HMCN1: variants seen among roughly 807,000 people sequenced by gnomAD.
HMCN1 encodes the protein hemicentin-1.
Under a neutral mutation model 625.9 loss-of-function variants are expected in HMCN1, and 321 were observed. The observed-to-expected ratio is 0.51, with a 90% CI of 0.47 to 0.56. The LOEUF is 0.56. HMCN1 is among the 20% of genes least tolerant of loss of function. The pLI is 0.00. For missense variants in HMCN1, 6,588 were observed against 6,887.3 expected (o/e 0.96, Z 1.54); for synonymous variants, 2,425 against 2,417.6 (o/e 1.00, Z -0.09).
At chr1:185,825,653 G>T (rs1476373686) in intron 1 of HMCN1, among the ~76,000 whole-genome samples, 1 of 152,096 alleles carries the variant, frequency 6.6e-6, no homozygotes, top group Non-Finnish European at 1.5e-5. Context: ...TTACATTTTA[G>T]GTAGGGGGTA....
intron 29 of HMCN1, among the ~76,000 whole-genome samples, chr1:186,005,168 A>ATTGTTTATAAATGTTTATAAACAATTTT (rs1373742274): frequency 6.7e-6 from 1 of 149,178 alleles, no homozygotes; most frequent in Admixed American, 6.6e-5. Context: ...CAATTTTTTA[A>ATTGTTTATAAATGTTTATAAACAATTTT]TTGTTTATAA....
chr1:185,871,228 CA>C (rs556627020), intron 4 of HMCN1, among the ~76,000 whole-genome samples: 5,468 of 67,308 alleles, frequency 0.081, 273 homozygotes, highest in African/African-American at 0.22. Flanking sequence ...GACTCCGTCT[CA>C]AAAAAAAAAA....
intron 49 of HMCN1, among the ~76,000 whole-genome samples, chr1:186,067,447 C>G (rs1658199173): frequency 6.6e-6 from 1 of 152,174 alleles, no homozygotes; most frequent in African/African-American, 2.4e-5. Flanking sequence ...CTAACTACCA[C>G]TGATCGTTTA....
At position 185,997,810 on chromosome 1, in the gene HMCN1, CT is replaced by C. The variant is rs71691991; in HGVS notation, c.3874+299del. ...CCTTCCTGCTACTTCTTATTTCATT[CT>C]TTTTTTTTTTTTGGCAGGTTTTGTC... On this transcript the variant is annotated intron_variant, in intron 25 of 106. Coordinates refer to ENST00000271588, the MANE Select transcript of HMCN1 (RefSeq NM_031935.3). Among the ~76,000 whole-genome samples the C allele has an allele frequency of 5.3e-3, 747 of 142,082 alleles. 4 individuals carry two copies. Among genetic ancestry groups the C allele is most frequent in the Non-Finnish European group, 4.9e-3 (314 of 64,438 alleles). The allele number at this position is 142,082 out of a possible 152,430, so 93.2% of individuals were successfully genotyped here. A position where few individuals can be genotyped will look rare whatever the true frequency, so the allele number is the denominator to read the frequency against.
chr1:186,130,924 A>G (rs1477777905), intron 85 of HMCN1, among the ~76,000 whole-genome samples: 1 of 152,114 alleles, frequency 6.6e-6, no homozygotes, highest in Non-Finnish European at 1.5e-5. Flanking sequence ...TCATTGACTT[A>G]CTAATTAACA....
At position 186,038,380 on chromosome 1, in the gene HMCN1, G is replaced by A. The variant is rs12057749; in HGVS notation, c.5851+345G>A. On this transcript the variant is annotated intron_variant, in intron 37 of 106. Transcript: ENST00000271588. ...CTTAATGAAGCTAGATAAAATTGTCGTTCTAATGAGACTACAACTTTGTTT... is the reference window on the plus strand; with the variant it reads ...CTTAATGAAGCTAGATAAAATTGTCATTCTAATGAGACTACAACTTTGTTT... Among the ~76,000 whole-genome samples the A allele has an allele frequency of 8.2e-3, 1,242 of 152,034 alleles. 16 individuals carry two copies. Among genetic ancestry groups the A allele is most frequent in the African/African-American group, 0.024 (975 of 41,470 alleles).
At position 185,924,215 on chromosome 1, in the gene HMCN1, CTTTTTTTTTTT is replaced by C. The variant is rs58164381; in HGVS notation, c.1285+585_1285+595del. Reference sequence around the variant, plus strand: ...GCTCATGACTGAACTCTGACCCAATCTTTTTTTTTTTTTTTTTTTTTTTTTTTTTTTTTGAG... The same window carrying C: ...GCTCATGACTGAACTCTGACCCAATCTTTTTTTTTTTTTTTTTTTTTTGAG... On this transcript the variant is annotated intron_variant, in intron 8 of 106. Transcript: ENST00000271588. 5.3e-4 allele frequency among the ~76,000 whole-genome samples: 23 copies of C among 43,648 alleles called. 1 individual carries two copies. In the South Asian group the frequency reaches 9.6e-3, roughly 18 times the overall value. The allele number at this position is 43,648 out of a possible 152,430, so 28.6% of individuals were successfully genotyped here.
intron 1 of HMCN1, among the ~76,000 whole-genome samples, chr1:185,745,463 C>A (rs1654323980): frequency 6.6e-6 from 1 of 152,166 alleles, no homozygotes; most frequent in Non-Finnish European, 1.5e-5. Flanking sequence ...CAAACAGCCT[C>A]CCGAATATGT....
intron 100 of HMCN1, among the ~76,000 whole-genome samples, chr1:186,167,592 G>C (rs1055372201): frequency 6.6e-6 from 1 of 152,130 alleles, no homozygotes; most frequent in African/African-American, 2.4e-5. Flanking sequence ...ATGATAGTGT[G>C]GTACAGAATA....
At chr1:185,738,966 G>A (rs146497445) in intron 1 of HMCN1, among the ~76,000 whole-genome samples, 10 of 152,060 alleles carry the variant, frequency 6.6e-5, no homozygotes, top group East Asian at 3.8e-4. Context: ...AAATGACTTC[G>A]TCATCCAGGT....
intron 1 of HMCN1, among the ~76,000 whole-genome samples, chr1:185,747,178 C>T (rs901480502): frequency 1.3e-5 from 2 of 152,122 alleles, no homozygotes; most frequent in African/African-American, 4.8e-5. Context: ...AAAATATTTG[C>T]ATTAGGGACT....
At chr1:185,789,000 GAAAT>G (rs1222593511) in intron 1 of HMCN1, among the ~76,000 whole-genome samples, 2 of 152,040 alleles carry the variant, frequency 1.3e-5, no homozygotes, top group Non-Finnish European at 2.9e-5. Flanking sequence ...TTGAGATAAA[GAAAT>G]AAAAACATTT....
At position 185,898,136 on chromosome 1, in the gene HMCN1, A is replaced by G. The variant is rs374968249; in HGVS notation, c.622-11201A>G. On this transcript the variant is annotated intron_variant, in intron 4 of 106. Transcript: ENST00000271588. ...GAAAGTGGTGGACCTCCCCCTGTAG[A>G]GGGAGCTTTCACCTATGGGCGTAAT... Among the ~76,000 whole-genome samples, 37 of 152,270 alleles carry G rather than the reference A, an allele frequency of 2.4e-4. No homozygotes were observed. The East Asian group carries it at 7.0e-3, about 29-fold the overall frequency.
intron 1 of HMCN1, among the ~76,000 whole-genome samples, chr1:185,774,691 T>C (rs1656479372): frequency 6.6e-6 from 1 of 152,118 alleles, no homozygotes; most frequent in African/African-American, 2.4e-5. Flanking sequence ...TAATTCGAGC[T>C]TGGAGTTTGG....
intron 6 of HMCN1, among the ~76,000 whole-genome samples, chr1:185,914,462 T>C (rs1286391278): frequency 6.6e-6 from 1 of 152,066 alleles, no homozygotes; most frequent in African/African-American, 2.4e-5. Context: ...GATCTATCTA[T>C]TACTTAACTT....
chr1:185,862,959 C>T (rs575640817), intron 2 of HMCN1, among the ~76,000 whole-genome samples: 7 of 152,242 alleles, frequency 4.6e-5, no homozygotes, highest in African/African-American at 1.7e-4. Context: ...GGATCCAGTA[C>T]AAGAAAAGAT....
chr1:185,976,330 A>C (rs981025604), intron 15 of HMCN1, among the ~76,000 whole-genome samples: 6 of 152,168 alleles, frequency 3.9e-5, no homozygotes, highest in African/African-American at 1.4e-4. Flanking sequence ...GAGAAGAACA[A>C]GGGATGTTGA....
chr1:185,846,901 C>G (rs1274204942), intron 2 of HMCN1, among the ~76,000 whole-genome samples: 3 of 152,124 alleles, frequency 2.0e-5, no homozygotes, highest in Admixed American at 6.5e-5. Flanking sequence ...TTTACTCTCT[C>G]TTAGTCATCT....
intron 4 of HMCN1, among the ~76,000 whole-genome samples, chr1:185,907,475 C>G (rs1666159953): frequency 6.6e-6 from 1 of 151,890 alleles, no homozygotes; most frequent in Admixed American, 6.6e-5. Flanking sequence ...CACAGGCTTC[C>G]AGCCTCATCT....
Sources: gnomAD v4.1 joint callset for allele counts (sites outside exome capture counted in the v4.1 genomes callset) on GRCh38, gnomAD v4.1.1 for gene constraint, MANE v1.5 for transcripts, NCBI Gene and HGNC (gene_info 2026-07-23, HGNC 2026-07-21) for gene names.